DNAI7: variants seen among roughly 807,000 people sequenced by gnomAD.
The protein encoded by DNAI7 is dynein axonemal intermediate chain 7, also known as cancer susceptibility 1.
DNAI7 carries 78 observed loss-of-function variants against 86.6 expected under a neutral mutation model. That is an observed-to-expected ratio of 0.90 (90% CI 0.75 to 1.09). The LOEUF (loss-of-function observed/expected upper bound fraction) is 1.09, where lower values mean the gene tolerates loss of function less well. DNAI7 is among the 50% of genes least tolerant of loss of function. DNAI7 has a pLI of 0.00. For synonymous variants in DNAI7, 274 were observed against 273.0 expected, an observed-to-expected ratio of 1.00 and a Z score of -0.04; for missense variants, 753 against 810.2, an observed-to-expected ratio of 0.93 and a Z score of 0.86.
chr12:25,160,386 A>C (rs561498599), intron 3 of DNAI7, among the ~76,000 whole-genome samples: 16 of 152,288 alleles, frequency 1.1e-4, no homozygotes, highest in Middle Eastern at 3.4e-3. Context: ...TTCTTCGTAA[A>C]GCAACCTTTT....
intron 12 of DNAI7, among the ~76,000 whole-genome samples, chr12:25,117,211 G>C (rs1473212491): frequency 1.3e-5 from 2 of 152,182 alleles, no homozygotes; most frequent in African/African-American, 4.8e-5. Context: ...TGGGATTACA[G>C]GCATGAGCCA....
At chr12:25,118,346 C>T (rs1169945577) in intron 12 of DNAI7, among the ~76,000 whole-genome samples, 1 of 152,106 alleles carries the variant, frequency 6.6e-6, no homozygotes, top group South Asian at 2.1e-4. Context: ...TCACTGCAAC[C>T]TCTGCCTCCT....
chr12:25,158,713 A>C, intron 3 of DNAI7, 150 bp from the exon 4 acceptor site: 1 of 1,480,042 alleles, frequency 6.8e-7, no homozygotes, highest in Non-Finnish European at 8.9e-7. Context: ...GAAAAGTGTC[A>C]GTTCTCCTTT....
intron 2 of DNAI7, among the ~76,000 whole-genome samples, chr12:25,187,382 T>G (rs1027953668): frequency 1.3e-5 from 2 of 152,180 alleles, no homozygotes; most frequent in African/African-American, 2.4e-5. Flanking sequence ...AGCATCATCA[T>G]CAGCCCTACC....
intron 12 of DNAI7, among the ~76,000 whole-genome samples, chr12:25,115,186 C>G (rs143766765): frequency 1.3e-5 from 2 of 152,208 alleles, no homozygotes; most frequent in Non-Finnish European, 2.9e-5. Flanking sequence ...GTATGTATAC[C>G]TCTGGGCCTC....
intron 2 of DNAI7, among the ~76,000 whole-genome samples, chr12:25,190,057 C>A (rs1470479513): frequency 6.7e-6 from 1 of 149,942 alleles, no homozygotes. Flanking sequence ...ATTTGGACTG[C>A]CAGCCAATGG....
intron 12 of DNAI7, among the ~76,000 whole-genome samples, chr12:25,118,684 C>A (rs898218287): frequency 6.6e-6 from 1 of 152,066 alleles, no homozygotes; most frequent in African/African-American, 2.4e-5. Flanking sequence ...GCCTCAGACT[C>A]CCAAGTAGCT....
intron 9 of DNAI7, among the ~76,000 whole-genome samples, chr12:25,133,086 T>C (rs925321071): frequency 6.6e-6 from 1 of 152,118 alleles, no homozygotes; most frequent in Non-Finnish European, 1.5e-5. Context: ...TCCTATATTC[T>C]GTTCAAATAC....
rs751708779 is a variant in DNAI7, at chr12:25,121,894, C to A, written c.1098G>T (p.Glu366Asp). The A allele has an allele frequency of 1.3e-5, 20 of 1,587,940 alleles. No individual in the cohort carries two copies. Among genetic ancestry groups the A allele is most frequent in the Admixed American group, 2.0e-5 (1 of 50,932 alleles). ...AGAAATCTGGCTTTTCAGAAGAATTCTCTACCAGCAACAACTGTGCTAAAA... is the reference window on the plus strand; with the variant it reads ...AGAAATCTGGCTTTTCAGAAGAATTATCTACCAGCAACAACTGTGCTAAAA... ...TVSAAQLLLV[E>D]NSSEKPDFFE... is the part of the protein sequence containing the mutation. Residue 366 changes from glutamate to aspartate, a missense_variant, in exon 11 of 16, where the codon GAG (glutamate) becomes GAT (aspartate). Coordinates refer to ENST00000395987, the MANE Select transcript of DNAI7 (RefSeq NM_018272.5).
intron 2 of DNAI7, among the ~76,000 whole-genome samples, chr12:25,183,429 A>C (rs7136108): frequency 0.042 from 6,348 of 152,042 alleles, 436 homozygotes; most frequent in African/African-American, 0.14. Context: ...ACAAATAAAC[A>C]AAAATCCTGA....
At chr12:25,137,372 T>C (rs7978771) in intron 9 of DNAI7, among the ~76,000 whole-genome samples, 13,991 of 152,116 alleles carry the variant, frequency 0.092, 1,980 homozygotes, top group African/African-American at 0.31. Flanking sequence ...CAAGAATTGC[T>C]AAAAGGAGTT....
At chr12:25,137,598 C>A (rs1943692576) in intron 9 of DNAI7, among the ~76,000 whole-genome samples, 1 of 152,002 alleles carries the variant, frequency 6.6e-6, no homozygotes, top group Admixed American at 6.6e-5. Flanking sequence ...AGATACAGAA[C>A]CACAGAATGG....
chr12:25,182,973 G>A (rs112184005), intron 2 of DNAI7, among the ~76,000 whole-genome samples: 64,270 of 124,950 alleles, frequency 0.51, 16,919 homozygotes, highest in African/African-American at 0.77. Context: ...GAGGAAGGGA[G>A]GAAGGGAAGG....
chr12:25,177,370 C>G (rs186542796), intron 2 of DNAI7, among the ~76,000 whole-genome samples: 1 of 152,272 alleles, frequency 6.6e-6, no homozygotes, highest in East Asian at 1.9e-4. Context: ...CACCATTCTA[C>G]TTTGTCTATA....
chr12:25,194,884 A>G, intron 1 of DNAI7, 192 bp downstream of exon 1: 1 of 1,613,892 alleles, frequency 6.2e-7, no homozygotes, highest in Non-Finnish European at 8.5e-7. Context: ...TGGGACTCCT[A>G]CCTGTCCGCC....
intron 2 of DNAI7, among the ~76,000 whole-genome samples, chr12:25,182,031 A>AAAAAAG (rs1281412750): frequency 9.7e-5 from 9 of 92,578 alleles, no homozygotes; most frequent in Non-Finnish European, 2.0e-4. Flanking sequence ...AAAAGAAAAG[A>AAAAAAG]AATTTTTTTT....
chr12:25,149,897 T>A, intron 6 of DNAI7, 123 bp from the exon 7 acceptor site: 2 of 576,078 alleles, frequency 3.5e-6, no homozygotes, highest in Non-Finnish European at 5.9e-6. Context: ...TAGAAACCTT[T>A]CCTGTATTTA....
intron 9 of DNAI7, among the ~76,000 whole-genome samples, chr12:25,141,974 T>C (rs1357698248): frequency 1.3e-5 from 2 of 152,186 alleles, no homozygotes; most frequent in East Asian, 1.9e-4. Flanking sequence ...AGATCTACCA[T>C]TTGATCCAGC....
At chr12:25,143,854 AGAG>A (rs1378470206) in intron 9 of DNAI7, among the ~76,000 whole-genome samples, 1 of 152,236 alleles carries the variant, frequency 6.6e-6, no homozygotes, top group African/African-American at 2.4e-5. Flanking sequence ...AACAGAAAAA[AGAG>A]AAGAAGCTAA....
Sources: gnomAD v4.1 joint callset for allele counts (sites outside exome capture counted in the v4.1 genomes callset) on GRCh38, gnomAD v4.1.1 for gene constraint, MANE v1.5 for transcripts, NCBI Gene and HGNC (gene_info 2026-07-23, HGNC 2026-07-21) for gene names.